The following CCNY variants were observed in gnomAD, a reference collection of about 807,000 sequenced individuals.
CCNY encodes cyclin-Y.
In CCNY, 19 loss-of-function variants were observed where a neutral mutation model predicts 42.8. That is an observed-to-expected ratio of 0.44 (90% CI 0.31 to 0.65). The LOEUF (loss-of-function observed/expected upper bound fraction) is 0.65. Among genes scored for constraint, CCNY ranks in the 30% least tolerant of loss-of-function variants. The pLI, the probability that CCNY is intolerant of heterozygous loss-of-function variation, is 0.07. For synonymous variants in CCNY, 165 were observed against 162.7 expected (o/e 1.01, Z -0.11); for missense variants, 370 against 437.3 (o/e 0.85, Z 1.37).
chr10:35,507,142 A>G (rs1840230990), intron 3 of CCNY, among the ~76,000 whole-genome samples: 1 of 152,182 alleles, frequency 6.6e-6, no homozygotes, highest in African/African-American at 2.4e-5. Context: ...GAAAGGAATG[A>G]AGTGAAGCCT....
chr10:35,249,765 T>G (rs1298068531), intron 2 of CCNY, among the ~76,000 whole-genome samples: 1 of 152,170 alleles, frequency 6.6e-6, no homozygotes, highest in Non-Finnish European at 1.5e-5. Context: ...GGATCTAAAG[T>G]GAGACGGAGT....
intron 3 of CCNY, among the ~76,000 whole-genome samples, chr10:35,308,277 A>C (rs769780234): frequency 6.0e-5 from 9 of 150,918 alleles, no homozygotes; most frequent in South Asian, 4.3e-4. Context: ...GGCTGGGCAC[A>C]GTGGCTCATG....
At chr10:35,304,088 C>G (rs1469282068) in intron 3 of CCNY, among the ~76,000 whole-genome samples, 1 of 152,120 alleles carries the variant, frequency 6.6e-6, no homozygotes, top group African/African-American at 2.4e-5. Flanking sequence ...CGTGAATGGG[C>G]TTCTGGAAAG....
upstream of CCNY, among the ~76,000 whole-genome samples, chr10:35,331,846 T>G (rs1370188582): frequency 6.6e-6 from 1 of 152,224 alleles, no homozygotes; most frequent in Non-Finnish European, 1.5e-5. Context: ...GCTTTGCATT[T>G]CTCAGATTTC....
In CCNY at chr10:35,412,899, G is replaced by A. The variant is rs182227247; in HGVS notation, c.155-70505G>A. On this transcript the variant is annotated intron_variant, in intron 1 of 9. Coordinates refer to ENST00000374704, the MANE Select transcript of CCNY (RefSeq NM_145012.6). The stretch of plus-strand genomic sequence containing the variant: ...AAAAAAAAAAAAAAAGAATTTGCGC[G>A]GCGGGCAAGAGGATGTGGATCACGC... Among the ~76,000 whole-genome samples, 1,062 of 146,728 alleles carry A rather than the reference G, an allele frequency of 7.2e-3. 7 individuals carry two copies. Among genetic ancestry groups the A allele is most frequent in the Non-Finnish European group, 0.011 (728 of 66,836 alleles).
At chr10:35,373,440 C>G (rs1836982029) in intron 1 of CCNY, among the ~76,000 whole-genome samples, 1 of 152,242 alleles carries the variant, frequency 6.6e-6, no homozygotes, top group East Asian at 1.9e-4. Flanking sequence ...CCTCCCACCC[C>G]ACTTATGTTG....
chr10:35,543,737 T>C (rs947145155), intron 7 of CCNY, among the ~76,000 whole-genome samples: 1 of 152,110 alleles, frequency 6.6e-6, no homozygotes, highest in Non-Finnish European at 1.5e-5. Context: ...GAAACAGCCT[T>C]AGGCAGGTCC....
At chr10:35,307,818 ATTTTT>A (rs1241404700) in intron 3 of CCNY, among the ~76,000 whole-genome samples, 5 of 96,148 alleles carry the variant, frequency 5.2e-5, no homozygotes, top group African/African-American at 1.6e-4. Flanking sequence ...ATATATATAT[ATTTTT>A]TTTTTTTTTT....
intron 2 of CCNY, among the ~76,000 whole-genome samples, chr10:35,249,217 C>T (rs1279136251): frequency 1.3e-5 from 2 of 152,202 alleles, no homozygotes; most frequent in Non-Finnish European, 2.9e-5. Flanking sequence ...GCTGAGGTTA[C>T]AGGTGTGAGG....
intron 1 of CCNY, among the ~76,000 whole-genome samples, chr10:35,450,735 G>A (rs1838898333): frequency 6.6e-6 from 1 of 150,416 alleles, no homozygotes; most frequent in Admixed American, 6.6e-5. Flanking sequence ...TTGTGTATCA[G>A]TATTTCTTAA....
chr10:35,469,476 C>T (rs1349057267), intron 1 of CCNY, among the ~76,000 whole-genome samples: 1 of 151,976 alleles, frequency 6.6e-6, no homozygotes, highest in Non-Finnish European at 1.5e-5. Context: ...AAAACGGAAA[C>T]AGTTATAGCT....
At chr10:35,406,834 A>C (rs891278709) in intron 1 of CCNY, among the ~76,000 whole-genome samples, 2 of 151,226 alleles carry the variant, frequency 1.3e-5, no homozygotes, top group Non-Finnish European at 1.5e-5. Context: ...CACCTCCCGG[A>C]TGGGGCGGCT....
intron 1 of CCNY, among the ~76,000 whole-genome samples, chr10:35,375,524 T>C (rs563794650): frequency 5.9e-5 from 9 of 152,328 alleles, no homozygotes; most frequent in Non-Finnish European, 8.8e-5. Context: ...CTATATGAGG[T>C]AATATATTCA....
chr10:35,459,245 G>A (rs1839104083), intron 1 of CCNY, among the ~76,000 whole-genome samples: 1 of 152,240 alleles, frequency 6.6e-6, no homozygotes, highest in East Asian at 1.9e-4. Flanking sequence ...TCCCGGGCCA[G>A]CGCTGCTGTC....
At chr10:35,412,455 A>C (rs1837927499) in intron 1 of CCNY, among the ~76,000 whole-genome samples, 1 of 152,158 alleles carries the variant, frequency 6.6e-6, no homozygotes, top group South Asian at 2.1e-4. Context: ...TCCCAAGTAC[A>C]GAGGCTGCAG....
intron 5 of CCNY, among the ~76,000 whole-genome samples, chr10:35,528,864 G>GT (rs112092550): frequency 6.6e-6 from 1 of 152,226 alleles, no homozygotes; most frequent in African/African-American, 2.4e-5. Flanking sequence ...ATAAGTGTGT[G>GT]TTAGGGACAG....
At chr10:35,349,515 A>T (rs1589051405) in intron 1 of CCNY, among the ~76,000 whole-genome samples, 2 of 152,214 alleles carry the variant, frequency 1.3e-5, no homozygotes, top group Non-Finnish European at 2.9e-5. Flanking sequence ...TACACTTCTT[A>T]GTGTTCTGTT....
chr10:35,277,522 C>T (rs749101228), intron 3 of CCNY, among the ~76,000 whole-genome samples: 4 of 152,156 alleles, frequency 2.6e-5, no homozygotes, highest in Non-Finnish European at 5.9e-5. Flanking sequence ...TCTCCAGCTA[C>T]AGGTTAAGAC....
chr10:35,335,924 A>ACACACACACC (rs1374911553), upstream of CCNY: 4 of 70,314 alleles, frequency 5.7e-5, no homozygotes, highest in African/African-American at 2.4e-4. Context: ...ACACACACAC[A>ACACACACACC]CACCTTAGCC....
Sources: allele counts gnomAD v4.1 joint callset (sites outside exome capture counted in the v4.1 genomes callset), GRCh38; gene constraint gnomAD v4.1.1; transcripts MANE v1.5; gene names NCBI Gene and HGNC (gene_info 2026-07-23, HGNC 2026-07-21).